The following NBEA variants were observed in gnomAD, a reference collection of about 807,000 sequenced individuals.
The protein encoded by NBEA is lysosomal-trafficking regulator 2.
NBEA carries 44 observed loss-of-function variants against 343.4 expected under a neutral mutation model. The ratio of observed to expected loss-of-function variants is 0.13; its 90% CI spans 0.10 to 0.16. The LOEUF (loss-of-function observed/expected upper bound fraction) is 0.16, where lower values mean the gene tolerates loss of function less well. Among genes scored for constraint, NBEA ranks in the 10% least tolerant of loss-of-function variants. The pLI, the probability that NBEA is intolerant of heterozygous loss-of-function variation, is 1.00. For synonymous variants in NBEA, 1,175 were observed against 1,238.7 expected (o/e 0.95, Z 1.08); for missense variants, 2,555 against 3,631.3 (o/e 0.70, Z 7.62).
intron 49 of NBEA, among the ~76,000 whole-genome samples, chr13:35,644,056 A>G (rs915586001): frequency 2.6e-5 from 4 of 152,222 alleles, no homozygotes; most frequent in Non-Finnish European, 4.4e-5. Flanking sequence ...AAAGATCTGT[A>G]CATTTTTAAA....
intron 38 of NBEA, among the ~76,000 whole-genome samples, chr13:35,420,846 T>A (rs1398241096): frequency 6.6e-6 from 1 of 151,784 alleles, no homozygotes; most frequent in Non-Finnish European, 1.5e-5. Flanking sequence ...TGATATCCCC[T>A]TTTTCATTCC....
chr13:35,172,215 G>T (rs2070518082), intron 26 of NBEA, among the ~76,000 whole-genome samples: 1 of 151,900 alleles, frequency 6.6e-6, no homozygotes. Flanking sequence ...ATTCAAGAAA[G>T]GAACAAAGAC....
chr13:35,049,509 C>G (rs991380920), intron 5 of NBEA, among the ~76,000 whole-genome samples: 8 of 151,682 alleles, frequency 5.3e-5, no homozygotes, highest in African/African-American at 1.9e-4. Flanking sequence ...AATGTGAACA[C>G]AGAAATATGT....
chr13:35,558,241 T>C (rs1245447189), intron 44 of NBEA, among the ~76,000 whole-genome samples: 1 of 152,160 alleles, frequency 6.6e-6, no homozygotes, highest in African/African-American at 2.4e-5. Context: ...CGTATACCAG[T>C]AATTCCACTA....
Position 35,592,075 on chromosome 13 carries a change from C to T in NBEA, c.7177-1253C>T, listed in dbSNP as rs575592974. On this transcript the variant is annotated intron_variant, in intron 46 of 58. Coordinates refer to ENST00000379939, the MANE Select transcript of NBEA (RefSeq NM_001385012.1). ...TTTAATGACATCAAAAACATAAGAA[C>T]AACCTAAGAACTCCCAGTGTGAGAA... Among the ~76,000 whole-genome samples, 95 of 152,176 alleles carry T rather than the reference C, an allele frequency of 6.2e-4. 1 individual carries two copies. In the South Asian group the frequency reaches 0.019, roughly 31 times the overall value.
chr13:35,054,614 G>GTT (rs572374951), intron 6 of NBEA, among the ~76,000 whole-genome samples: 1 of 116,550 alleles, frequency 8.6e-6, no homozygotes, highest in Non-Finnish European at 1.9e-5. Context: ...TTAATACACT[G>GTT]TTTTTTTTTT....
rs114866307 is a variant in NBEA, at chr13:35,637,878, G to T, written c.7618-7991G>T. On this transcript the variant is annotated intron_variant, in intron 49 of 58. Coordinates refer to ENST00000379939, the MANE Select transcript of NBEA (RefSeq NM_001385012.1). ...CCCAAGTGTCCGTGGATAGATGAAT[G>T]GATAAACAAAATGTGGGGTGGTGTA... Among the ~76,000 whole-genome samples the T allele has an allele frequency of 2.3e-3, 348 of 152,046 alleles. 1 individual carries two copies. The highest frequency in any genetic ancestry group is 8.0e-3 in the African/African-American group (332 of 41,478).
chr13:35,432,251 T>C lies in NBEA; in HGVS notation c.6180-18T>C, dbSNP rs1393651523. ...CATTGTTATTAATAGGGATTACTTT[T>C]TTTCCCTCTACTCTTAGCCAATTGC... On this transcript the variant is annotated intron_variant, in intron 38 of 58. Transcript: ENST00000379939. 6.3e-7 allele frequency: 1 copy of C among 1,580,348 alleles called. No individual in the cohort carries two copies. Among genetic ancestry groups the C allele is most frequent in the Admixed American group, 1.8e-5 (1 of 55,234 alleles).
At chr13:35,555,739 A>G (rs928452458) in intron 44 of NBEA, among the ~76,000 whole-genome samples, 1 of 152,080 alleles carries the variant, frequency 6.6e-6, no homozygotes, top group African/African-American at 2.4e-5. Flanking sequence ...CTTATTCATG[A>G]TGAATTACAA....
At chr13:35,140,323 C>T (rs1355407972) in intron 17 of NBEA, among the ~76,000 whole-genome samples, 1 of 151,908 alleles carries the variant, frequency 6.6e-6, no homozygotes, top group Non-Finnish European at 1.5e-5. Context: ...TTTAGATAGA[C>T]TAATTTAGAC....
At position 35,321,707 on chromosome 13, in the gene NBEA, C is replaced by A. The variant is rs1004390793; in HGVS notation, c.5903+12115C>A. Among the ~76,000 whole-genome samples the A allele has an allele frequency of 3.9e-4, 59 of 152,288 alleles. 1 individual carries two copies. Among genetic ancestry groups the A allele is most frequent in the African/African-American group, 1.3e-3 (56 of 41,558 alleles). ...GAAGCTGCACCCACAGCCGCCCCTT[C>A]CCCCAGGTGCTCTGTCCCAGGAAGA... On this transcript the variant is annotated intron_variant, in intron 36 of 58. Transcript: ENST00000379939.
At chr13:35,290,355 A>G (rs1477372318) in intron 34 of NBEA, 34 bp from the exon 35 acceptor site, 1 of 1,404,498 alleles carries the variant, frequency 7.1e-7, no homozygotes, top group Middle Eastern at 1.8e-4. Context: ...CTGCCATTGT[A>G]ATTTCATTTT....
At chr13:34,951,245 ATATAT>A (rs996325798) in intron 1 of NBEA, among the ~76,000 whole-genome samples, 2 of 152,330 alleles carry the variant, frequency 1.3e-5, no homozygotes, top group South Asian at 2.1e-4. Context: ...AAAACATTAA[ATATAT>A]TATTTTTACA....
chr13:34,963,399 A>G (rs1335433698), intron 1 of NBEA, among the ~76,000 whole-genome samples: 2 of 152,016 alleles, frequency 1.3e-5, no homozygotes, highest in African/African-American at 4.8e-5. Context: ...TATCTGACTT[A>G]TCTCTTTAAA....
chr13:35,382,538 T>C (rs1001572562), intron 38 of NBEA, among the ~76,000 whole-genome samples: 3 of 152,104 alleles, frequency 2.0e-5, no homozygotes, highest in Non-Finnish European at 2.9e-5. Context: ...ATGCTGTCTT[T>C]TAGAAAACAT....
At chr13:35,368,859 A>G (rs1169295878) in intron 38 of NBEA, among the ~76,000 whole-genome samples, 2 of 151,692 alleles carry the variant, frequency 1.3e-5, no homozygotes, top group Admixed American at 6.6e-5. Context: ...AATTATACCT[A>G]AAATCTAATA....
chr13:35,461,199 G>A (rs2046884191), intron 40 of NBEA, among the ~76,000 whole-genome samples: 1 of 152,112 alleles, frequency 6.6e-6, no homozygotes, highest in African/African-American at 2.4e-5. Flanking sequence ...ACAACAGTAG[G>A]CATCAACCAT....
intron 40 of NBEA, among the ~76,000 whole-genome samples, chr13:35,466,476 AC>A (rs1273113018): frequency 1.7e-4 from 26 of 152,142 alleles, no homozygotes; most frequent in Non-Finnish European, 2.6e-4. Flanking sequence ...TCAAGCAAAA[AC>A]ATCCTGTAAC....
chr13:35,495,703 A>G (rs538024699), intron 41 of NBEA, among the ~76,000 whole-genome samples: 9 of 152,048 alleles, frequency 5.9e-5, no homozygotes, highest in Non-Finnish European at 1.2e-4. Flanking sequence ...AAGAACAGCA[A>G]AATTTCTTAG....
Sources: gnomAD v4.1 joint callset for allele counts (sites outside exome capture counted in the v4.1 genomes callset) on GRCh38, gnomAD v4.1.1 for gene constraint, MANE v1.5 for transcripts, NCBI Gene and HGNC (gene_info 2026-07-23, HGNC 2026-07-21) for gene names.